Variants in KAZN observed in about 807,000 individuals in gnomAD.
KAZN encodes kazrin, periplakin interacting protein.
In KAZN, 40 loss-of-function variants were observed where a neutral mutation model predicts 87.4. That is an observed-to-expected ratio of 0.46 (90% CI 0.36 to 0.60). KAZN has a LOEUF of 0.60. Ranked by LOEUF, KAZN falls within the 20% of genes least tolerant of loss-of-function variation. The pLI, the probability that KAZN is intolerant of heterozygous loss-of-function variation, is 0.00. For missense variants in KAZN, 898 were observed against 1,073.9 expected, an observed-to-expected ratio of 0.84 and a Z score of 2.29; for synonymous variants, 466 against 458.3, an observed-to-expected ratio of 1.02 and a Z score of -0.22.
At chr1:15,009,848 T>C (rs1669404170) in intron 2 of KAZN, among the ~76,000 whole-genome samples, 1 of 152,172 alleles carries the variant, frequency 6.6e-6, no homozygotes, top group Non-Finnish European at 1.5e-5. Context: ...CTCCGCTCGT[T>C]CCTCCCCATA....
Position 14,949,686 on chromosome 1 carries a change from G to A in KAZN, c.227-10998G>A, listed in dbSNP as rs1444655021. 1.3e-5 allele frequency among the ~76,000 whole-genome samples: 2 copies of A among 152,198 alleles called. No individual in the cohort carries two copies. Among genetic ancestry groups the A allele is most frequent in the South Asian group, 2.1e-4 (1 of 4,830 alleles). ...CCTGCAGTGCCAATCCTCAGGTGAAGTGGGGCTGGAGGTCTGCGATTCCTT... is the reference window on the plus strand; with the variant it reads ...CCTGCAGTGCCAATCCTCAGGTGAAATGGGGCTGGAGGTCTGCGATTCCTT... On this transcript the variant is annotated intron_variant, in intron 1 of 14. Coordinates refer to ENST00000376030, the MANE Select transcript of KAZN (RefSeq NM_201628.3). The surrounding 1 kb of genome is among the most constrained non-coding windows in gnomAD (Gnocchi z 4.3).
intron 1 of KAZN, among the ~76,000 whole-genome samples, chr1:14,912,449 T>C (rs569283273): frequency 6.6e-6 from 1 of 152,250 alleles, no homozygotes; most frequent in Non-Finnish European, 1.5e-5. Flanking sequence ...GGATACGCTG[T>C]CACCATGTGG....
At chr1:14,713,040 A>G (rs1444172877) in intron 1 of KAZN, among the ~76,000 whole-genome samples, 5 of 152,012 alleles carry the variant, frequency 3.3e-5, no homozygotes, top group Non-Finnish European at 7.4e-5. Flanking sequence ...TGAGTACACA[A>G]TGCTCCTATG....
At chr1:14,333,732 G>A (rs929686770) in intron 2 of KAZN, among the ~76,000 whole-genome samples, 1 of 152,194 alleles carries the variant, frequency 6.6e-6, no homozygotes, top group African/African-American at 2.4e-5. Context: ...GGTGGGGGGT[G>A]TCGCTTGTTA....
chr1:14,270,159 A>G (rs953477997), intron 2 of KAZN, among the ~76,000 whole-genome samples: 4 of 152,228 alleles, frequency 2.6e-5, no homozygotes, highest in Non-Finnish European at 5.9e-5. Flanking sequence ...CATCCAAACT[A>G]TAGCAACCTT....
chr1:14,254,261 C>G (rs1187929613), intron 2 of KAZN, among the ~76,000 whole-genome samples: 1 of 152,088 alleles, frequency 6.6e-6, no homozygotes, highest in African/African-American at 2.4e-5. Flanking sequence ...ATTGTTATAT[C>G]CAGCAACTTT....
At chr1:14,207,714 C>A (rs1646773523) in intron 2 of KAZN, among the ~76,000 whole-genome samples, 1 of 152,064 alleles carries the variant, frequency 6.6e-6, no homozygotes, top group African/African-American at 2.4e-5. Flanking sequence ...ATTTTAGAAT[C>A]CTGGTGAGTT....
chr1:14,330,657 T>G (rs1264136212), intron 2 of KAZN, among the ~76,000 whole-genome samples: 1 of 152,160 alleles, frequency 6.6e-6, no homozygotes, highest in Non-Finnish European at 1.5e-5. Flanking sequence ...AGGGACTGTG[T>G]CTCTCTGCTT....
At chr1:14,801,107 A>T (rs1350583678) in intron 1 of KAZN, among the ~76,000 whole-genome samples, 5 of 151,022 alleles carry the variant, frequency 3.3e-5, no homozygotes, top group Admixed American at 2.6e-4. Context: ...GAGGGTGGTG[A>T]TAAGAGGAGC....
intron 1 of KAZN, among the ~76,000 whole-genome samples, chr1:14,687,801 G>C (rs1455988835): frequency 6.6e-6 from 1 of 152,138 alleles, no homozygotes; most frequent in Non-Finnish European, 1.5e-5. Context: ...ACTTTCATGG[G>C]GCTCACGTTG....
chr1:13,984,300 G>A (rs753562323), intron 1 of KAZN, among the ~76,000 whole-genome samples: 2 of 152,172 alleles, frequency 1.3e-5, no homozygotes, highest in Non-Finnish European at 2.9e-5. Context: ...GTGAGCCACC[G>A]CGCCCGGCCT....
chr1:14,588,124 T>C (rs949581199), intron 2 of KAZN, among the ~76,000 whole-genome samples: 1 of 152,270 alleles, frequency 6.6e-6, no homozygotes, highest in East Asian at 1.9e-4. Context: ...ATGATCATGG[T>C]AGCTTCTTCC....
Position 14,593,615 on chromosome 1 carries a change from A to C in KAZN, c.250-5368A>C, listed in dbSNP as rs117341894. On this transcript the variant is annotated intron_variant, in intron 2 of 16. Transcript: ENST00000636203. ...CAGGGAGCCAAACTCTTGGGGACTT[A>C]TCTCTCAAATCCTTCAGTCTGTATT... 4.0e-3 allele frequency among the ~76,000 whole-genome samples: 616 copies of C among 152,334 alleles called. 25 individuals carry two copies. The East Asian group carries it at 0.074, about 18-fold the overall frequency.
At chr1:14,716,299 T>C (rs1642789506) in intron 1 of KAZN, among the ~76,000 whole-genome samples, 1 of 152,180 alleles carries the variant, frequency 6.6e-6, no homozygotes, top group South Asian at 2.1e-4. Flanking sequence ...TGGATTTCTC[T>C]AGACATTTAT....
chr1:13,957,405 T>G (rs1641587793), intron 1 of KAZN, among the ~76,000 whole-genome samples: 1 of 152,172 alleles, frequency 6.6e-6, no homozygotes, highest in Admixed American at 6.5e-5. Flanking sequence ...TGAGTGCCCT[T>G]CAGACAGTAA....
chr1:14,633,367 G>A (rs1007986831), intron 1 of KAZN, among the ~76,000 whole-genome samples: 16 of 152,142 alleles, frequency 1.1e-4, no homozygotes, highest in Non-Finnish European at 2.4e-4. Flanking sequence ...AGGCAAGAGG[G>A]TCCGAATCAG....
chr1:14,378,406 AC>A (rs1661088379), intron 2 of KAZN, among the ~76,000 whole-genome samples: 1 of 152,218 alleles, frequency 6.6e-6, no homozygotes, highest in Non-Finnish European at 1.5e-5. Flanking sequence ...CGAAGAAACA[AC>A]CTTCATGAGA....
chr1:14,394,544 CATAT>C (rs1041841766), intron 2 of KAZN, among the ~76,000 whole-genome samples: 2 of 152,204 alleles, frequency 1.3e-5, no homozygotes, highest in African/African-American at 4.8e-5. Context: ...CACGTTATCA[CATAT>C]GACTGTCATA....
intron 1 of KAZN, among the ~76,000 whole-genome samples, chr1:14,959,061 G>A (rs554716653): frequency 2.6e-5 from 4 of 152,350 alleles, no homozygotes; most frequent in East Asian, 1.9e-4. Context: ...CATGACAGGC[G>A]CTGATGAGTG....
Sources: allele counts gnomAD v4.1 joint callset (sites outside exome capture counted in the v4.1 genomes callset), GRCh38; gene constraint gnomAD v4.1.1; non-coding constraint Gnocchi (gnomAD v3.1); transcripts MANE v1.5; gene names NCBI Gene and HGNC (gene_info 2026-07-23, HGNC 2026-07-21).